CUX1: variants seen among roughly 807,000 people sequenced by gnomAD.
CUX1 encodes the protein protein CASP.
CUX1 carries 31 observed loss-of-function variants against 158.8 expected under a neutral mutation model. The observed-to-expected ratio is 0.20, with a 90% CI of 0.15 to 0.26. The LOEUF (loss-of-function observed/expected upper bound fraction) is 0.26, where lower values mean the gene tolerates loss of function less well. Ranked by LOEUF, CUX1 falls within the 10% of genes least tolerant of loss-of-function variation. The pLI, the probability that CUX1 is intolerant of heterozygous loss-of-function variation, is 1.00. For synonymous variants in CUX1, 879 were observed against 862.1 expected (o/e 1.02, Z -0.34); for missense variants, 1,589 against 2,014.6 (o/e 0.79, Z 4.04).
At chr7:102,154,781 C>G (rs1836084363) in intron 8 of CUX1, among the ~76,000 whole-genome samples, 1 of 152,110 alleles carries the variant, frequency 6.6e-6, no homozygotes, top group African/African-American at 2.4e-5. Flanking sequence ...TAGTCTCAAA[C>G]AGAATAGAAG....
chr7:101,964,139 G>T (rs904197066), intron 2 of CUX1, among the ~76,000 whole-genome samples: 2 of 152,056 alleles, frequency 1.3e-5, no homozygotes, highest in African/African-American at 4.8e-5. Context: ...ATCACCTGAG[G>T]TTAGGAGTTC....
chr7:102,197,757 A>G (rs1340299341), intron 15 of CUX1, among the ~76,000 whole-genome samples: 1 of 152,042 alleles, frequency 6.6e-6, no homozygotes, highest in African/African-American at 2.4e-5. Flanking sequence ...CACATCACAG[A>G]TGACACCTCC....
chr7:102,049,705 AC>A lies in CUX1; in HGVS notation c.190-20633del, dbSNP rs989463984. 3.8e-4 allele frequency among the ~76,000 whole-genome samples: 58 copies of A among 152,136 alleles called. 1 individual carries two copies. The highest frequency in any genetic ancestry group is 1.3e-3 in the African/African-American group (53 of 41,512). ...AAAAAACAAAAACAAAAAAAGAAAA[AC>A]GGAAACCCATGAAATGATCCATGGG... is the stretch of plus-strand genomic sequence containing the variant. On this transcript the variant is annotated intron_variant, in intron 3 of 23. Transcript: ENST00000292535.
chr7:101,892,304 G>A (rs1800961500), intron 1 of CUX1, among the ~76,000 whole-genome samples: 1 of 152,190 alleles, frequency 6.6e-6, no homozygotes, highest in Admixed American at 6.5e-5. Context: ...TTACACAAGC[G>A]GCTGTTAGTT....
At chr7:101,968,813 G>A (rs947364995) in intron 2 of CUX1, among the ~76,000 whole-genome samples, 4 of 152,142 alleles carry the variant, frequency 2.6e-5, no homozygotes, top group Non-Finnish European at 5.9e-5. Flanking sequence ...GGACTGTGCT[G>A]TGGAGGTATG....
intron 20 of CUX1, among the ~76,000 whole-genome samples, chr7:102,207,840 A>G (rs1796109235): frequency 6.6e-6 from 1 of 152,214 alleles, no homozygotes; most frequent in Non-Finnish European, 1.5e-5. Flanking sequence ...TTTGCCAGAA[A>G]GAAAAGAGAT....
At chr7:102,233,628 A>T (rs1554531540) in intron 21 of CUX1, among the ~76,000 whole-genome samples, 2 of 152,146 alleles carry the variant, frequency 1.3e-5, no homozygotes, top group African/African-American at 4.8e-5. Flanking sequence ...CTCTACTAAA[A>T]ATACAAAAAT....
Position 102,255,815 on chromosome 7 carries a change from CCTT to C in CUX1, c.*6780_*6782del, listed in dbSNP as rs1207473170. ...TTATAATTCTTTTTTCCCCCCTTTTCCTTCTTCTTTTTTATTATTTTATTATTT... is the reference window on the plus strand; with the variant it reads ...TTATAATTCTTTTTTCCCCCCTTTTCCTTCTTTTTTATTATTTTATTATTT... On this transcript the variant is annotated 3_prime_UTR_variant, in exon 24 of 24. Coordinates refer to ENST00000292535, the MANE Select transcript of CUX1 (RefSeq NM_181552.4). The C allele has an allele frequency of 8.6e-5, 85 of 984,544 alleles. No homozygotes were observed. In the South Asian group the frequency reaches 1.9e-3, roughly 22 times the overall value. The allele number at this position is 984,544 out of a possible 1,614,324, so 61.0% of individuals were successfully genotyped here. A position where few individuals can be genotyped will look rare whatever the true frequency, so the allele number is the denominator to read the frequency against.
At chr7:102,138,014 T>C (rs1299891337) in intron 8 of CUX1, among the ~76,000 whole-genome samples, 6 of 151,828 alleles carry the variant, frequency 4.0e-5, no homozygotes, top group Admixed American at 6.6e-5. Context: ...AGTGAGATCG[T>C]CTCACTAAAA....
chr7:102,035,648 C>A (rs1563158779), intron 3 of CUX1, among the ~76,000 whole-genome samples: 6 of 59,142 alleles, frequency 1.0e-4, no homozygotes, highest in African/African-American at 2.5e-4. Flanking sequence ...TGGAGATAGC[C>A]AGCCAAAAAA....
At chr7:101,924,391 G>A (rs1805331195) in intron 2 of CUX1, among the ~76,000 whole-genome samples, 1 of 152,020 alleles carries the variant, frequency 6.6e-6, no homozygotes, top group South Asian at 2.1e-4. Flanking sequence ...GACTCCAGTG[G>A]ACACGTGGTG....
At chr7:101,851,103 T>A (rs28727287) in intron 1 of CUX1, among the ~76,000 whole-genome samples, 26,600 of 152,116 alleles carry the variant, frequency 0.17, 2,594 homozygotes, top group Middle Eastern at 0.34. Context: ...AGCGAGAGTC[T>A]GTCTCTTAGA....
At chr7:102,072,664 GT>G (rs1826259665) in intron 4 of CUX1, among the ~76,000 whole-genome samples, 1 of 152,176 alleles carries the variant, frequency 6.6e-6, no homozygotes, top group Non-Finnish European at 1.5e-5. Flanking sequence ...GCAAGTGGGG[GT>G]TTTTCCTTCG....
intron 15 of CUX1, among the ~76,000 whole-genome samples, chr7:102,197,939 A>C (rs1794966923): frequency 6.6e-6 from 1 of 152,148 alleles, no homozygotes; most frequent in African/African-American, 2.4e-5. Context: ...AAAAGATAAA[A>C]TGTCAGTCAC....
chr7:102,204,484 C>T lies in CUX1; in HGVS notation c.3001C>T (p.Arg1001Trp), dbSNP rs2132065265. The change falls in exon 19 of 24, where the codon CGG becomes TGG. Residue 1001 changes from arginine (R) to tryptophan (W), a missense_variant. This residue lies in a region of CUX1 where 259 missense variants were observed against 373.8 expected (regional missense o/e 0.69). Transcript: ENST00000292535. Reference sequence around the variant, plus strand: ...GCAGAAAGGCCGAGAACCCTTCATCCGGATGCAGCTCTGGCTGAACGGCGA... The same window carrying T: ...GCAGAAAGGCCGAGAACCCTTCATCTGGATGCAGCTCTGGCTGAACGGCGA... ...LTQKGREPFIRMQLWLNGELG... is the reference protein window; with the variant it reads ...LTQKGREPFIWMQLWLNGELG... 1 of 1,613,850 alleles carries T rather than the reference C, an allele frequency of 6.2e-7. No homozygotes were observed. Among genetic ancestry groups the T allele is most frequent in the Non-Finnish European group, 8.5e-7 (1 of 1,180,038 alleles).
At chr7:101,996,276 T>G (rs1815871017) in intron 2 of CUX1, among the ~76,000 whole-genome samples, 1 of 152,136 alleles carries the variant, frequency 6.6e-6, no homozygotes, top group Admixed American at 6.5e-5. Flanking sequence ...GTCACCATCC[T>G]CTGCTCTAGG....
At chr7:102,078,798 T>A (rs782784586) in intron 4 of CUX1, among the ~76,000 whole-genome samples, 1 of 152,000 alleles carries the variant, frequency 6.6e-6, no homozygotes, top group Admixed American at 6.6e-5. Context: ...AAGAGTGCAT[T>A]TGTAGGCCAT....
At chr7:101,906,995 A>G (rs754720735) in intron 1 of CUX1, among the ~76,000 whole-genome samples, 1 of 152,170 alleles carries the variant, frequency 6.6e-6, no homozygotes, top group Non-Finnish European at 1.5e-5. Context: ...CGTGTCTGAC[A>G]TCACGTACCA....
chr7:101,908,434 C>T (rs1803006341), intron 1 of CUX1, among the ~76,000 whole-genome samples: 1 of 149,260 alleles, frequency 6.7e-6, no homozygotes, highest in Admixed American at 6.7e-5. Flanking sequence ...GCGTGAACCA[C>T]TGCGCCCAGC....
Sources: gnomAD v4.1 joint callset for allele counts (sites outside exome capture counted in the v4.1 genomes callset) on GRCh38, gnomAD v4.1.1 for gene constraint, gnomAD v4.1.1 regional missense constraint, MANE v1.5 for transcripts, NCBI Gene and HGNC (gene_info 2026-07-23, HGNC 2026-07-21) for gene names.